The following IGF2R variants were observed in gnomAD, a reference collection of about 807,000 sequenced individuals.
IGF2R encodes insulin like growth factor 2 receptor, also known as cation-independent mannose-6-phosphate receptor.
IGF2R carries 91 observed loss-of-function variants against 270.6 expected under a neutral mutation model. The observed-to-expected ratio is 0.34, with a 90% confidence interval of 0.28 to 0.40. The LOEUF (loss-of-function observed/expected upper bound fraction) is 0.40, where lower values mean the gene tolerates loss of function less well. Ranked by LOEUF, IGF2R falls within the 10% of genes least tolerant of loss-of-function variation. IGF2R has a pLI of 1.00. For missense variants in IGF2R, 2,805 were observed against 3,188.3 expected, an observed-to-expected ratio of 0.88 and a Z score of 2.90; for synonymous variants, 1,316 against 1,258.9, an observed-to-expected ratio of 1.05 and a Z score of -0.96.
intron 2 of IGF2R, 141 bp downstream of exon 2, chr6:159,991,464 A>G (rs1783978686): frequency 1.5e-6 from 1 of 689,590 alleles, no homozygotes. Flanking sequence ...TACATAATAC[A>G]CATTTGTTAG....
intron 44 of IGF2R, among the ~76,000 whole-genome samples, chr6:160,091,827 A>T (rs1399535013): frequency 6.6e-6 from 1 of 152,208 alleles, no homozygotes; most frequent in Non-Finnish European, 1.5e-5. Context: ...GCAGAGAAGG[A>T]AAGTCTAGGC....
rs1784255001 is a variant in IGF2R, at chr6:160,007,137, G to A, written c.290-1873G>A. 2.6e-5 allele frequency: 4 copies of A among 152,198 alleles called. No homozygotes were observed. The South Asian group carries it at 8.3e-4, about 32-fold the overall frequency. 9.4% of individuals were successfully genotyped at this position (152,198 alleles called of 1,614,324 possible). On this transcript the variant is annotated intron_variant, in intron 2 of 47. Coordinates refer to ENST00000356956, the MANE Select transcript of IGF2R (RefSeq NM_000876.4). The stretch of plus-strand genomic sequence containing the variant: ...AATTTATCCACTCTTCTGTTGATGG[G>A]CCTTTGGTCATTTCCAGGTTTTTGC...
intron 37 of IGF2R, among the ~76,000 whole-genome samples, chr6:160,078,829 G>A (rs1778911531): frequency 6.6e-6 from 1 of 152,164 alleles, no homozygotes; most frequent in Admixed American, 6.5e-5. Context: ...GAGGTGCCCT[G>A]GAATTGAGAG....
chr6:159,974,398 T>C (rs1443643778), intron 1 of IGF2R, among the ~76,000 whole-genome samples: 1 of 152,256 alleles, frequency 6.6e-6, no homozygotes, highest in Non-Finnish European at 1.5e-5. Context: ...TTCTCCTTAT[T>C]GAGCTTTAGG....
At chr6:160,090,649 G>C (rs539088422) in intron 44 of IGF2R, among the ~76,000 whole-genome samples, 85 of 152,312 alleles carry the variant, frequency 5.6e-4, no homozygotes, top group Non-Finnish European at 9.0e-4. Context: ...GGCTGCTTTT[G>C]TTTTGAACAG....
chr6:159,972,822 C>G (rs1783630876), intron 1 of IGF2R, among the ~76,000 whole-genome samples: 1 of 152,218 alleles, frequency 6.6e-6, no homozygotes, highest in Non-Finnish European at 1.5e-5. Context: ...CATTGAACAG[C>G]AGGCACGACA....
At position 160,064,549 on chromosome 6, in the gene IGF2R, G is replaced by A. The variant is rs749732047; in HGVS notation, c.4017+18G>A. ...CCCAGCGGGTGAGCATGTACCGACG[G>A]CCCTCAGCGGGGTCTTCTCCCCACC... On this transcript the variant is annotated intron_variant, in intron 28 of 47. Coordinates refer to ENST00000356956, the MANE Select transcript of IGF2R (RefSeq NM_000876.4). 7 of 1,613,148 alleles carry A rather than the reference G, an allele frequency of 4.3e-6. No homozygotes were observed. Among genetic ancestry groups the A allele is most frequent in the Non-Finnish European group, 5.9e-6 (7 of 1,179,388 alleles).
chr6:160,072,713 C>G (rs1778769704), intron 32 of IGF2R, 52 bp from the exon 33 acceptor site: 7 of 1,611,524 alleles, frequency 4.3e-6, no homozygotes, highest in African/African-American at 2.7e-5. Flanking sequence ...ATGAGCCTCC[C>G]AAGTCTCAGC....
chr6:160,058,202 G>A (rs1423974042), intron 21 of IGF2R, 78 bp downstream of exon 21: 1 of 928,060 alleles, frequency 1.1e-6, no homozygotes, highest in African/African-American at 1.6e-5. Flanking sequence ...TGCACGTGGT[G>A]ATATGAGAGA....
chr6:160,090,156 G>A (rs771206228), intron 44 of IGF2R, 53 bp downstream of exon 44: 5 of 1,331,170 alleles, frequency 3.8e-6, no homozygotes, highest in Non-Finnish European at 5.0e-6. Flanking sequence ...CAAGGAAGGG[G>A]ATTAAAATTT....
At position 160,071,902 on chromosome 6, in the gene IGF2R, T is replaced by C. The variant is rs1323570217; in HGVS notation, c.4444-8T>C. ...ATCCCTTCAGGACCTGTCTGTGCTT[T>C]GTTGTAGAACTCCAGGCCCATGTTC... On this transcript the variant is annotated splice_polypyrimidine_tract_variant and splice_region_variant and intron_variant, in intron 31 of 47. Coordinates refer to ENST00000356956, the MANE Select transcript of IGF2R (RefSeq NM_000876.4). 2 of 1,614,138 alleles carry C rather than the reference T, an allele frequency of 1.2e-6. No individual in the cohort carries two copies. Among genetic ancestry groups the C allele is most frequent in the Non-Finnish European group, 1.7e-6 (2 of 1,179,988 alleles).
intron 10 of IGF2R, among the ~76,000 whole-genome samples, chr6:160,037,360 C>A (rs1777850488): frequency 6.6e-6 from 1 of 152,194 alleles, no homozygotes; most frequent in Non-Finnish European, 1.5e-5. Context: ...ACTCTGAGAG[C>A]AAATTGTGTA....
At chr6:160,100,717 A>G (rs147984890) in intron 45 of IGF2R, among the ~76,000 whole-genome samples, 7 of 103,764 alleles carry the variant, frequency 6.7e-5, no homozygotes, top group Non-Finnish European at 9.8e-5. Flanking sequence ...GCAAGTCAGC[A>G]ATTTCCCTTT....
chr6:160,060,438 T>A (rs1251626431), intron 22 of IGF2R, 109 bp from the exon 23 acceptor site: 3 of 1,053,832 alleles, frequency 2.8e-6, no homozygotes, highest in Non-Finnish European at 4.3e-6. Flanking sequence ...CACGAACGGC[T>A]GTGAAGCTTG....
At chr6:160,057,732 T>C (rs8191827) in intron 20 of IGF2R, among the ~76,000 whole-genome samples, 52 of 152,356 alleles carry the variant, frequency 3.4e-4, no homozygotes, top group African/African-American at 1.3e-3. Flanking sequence ...GTCTTATATT[T>C]CCTCTCCAAC....
At chr6:160,055,743 C>T (rs886207464) in intron 19 of IGF2R, among the ~76,000 whole-genome samples, 3 of 152,070 alleles carry the variant, frequency 2.0e-5, no homozygotes, top group Admixed American at 6.5e-5. Flanking sequence ...CACTGTGAGG[C>T]GCAGTTGAGA....
At position 160,050,778 on chromosome 6, in the gene IGF2R, T is replaced by A; in HGVS notation, c.2694+126T>A. The A allele has an allele frequency of 1.3e-6, 1 of 780,746 alleles. No individual in the cohort carries two copies. Among genetic ancestry groups the A allele is most frequent in the Non-Finnish European group, 2.0e-6 (1 of 500,576 alleles). The allele number at this position is 780,746 out of a possible 1,614,324, so 48.4% of individuals were successfully genotyped here. ...GAGCTAGGCCAGTCTTAGTTCTGCT[T>A]AAGGTCAGTGTGCGGTATATATGTT... is the stretch of plus-strand genomic sequence containing the variant. On this transcript the variant is annotated intron_variant, in intron 19 of 47. Transcript: ENST00000356956. The surrounding 1 kb of genome is among the most constrained non-coding windows in gnomAD (Gnocchi z 4.0).
intron 29 of IGF2R, among the ~76,000 whole-genome samples, chr6:160,067,923 T>A (rs530639849): frequency 6.6e-6 from 1 of 152,336 alleles, no homozygotes; most frequent in African/African-American, 2.4e-5. Flanking sequence ...AAGTTCCACT[T>A]CTCAGTGGCC....
chr6:159,981,309 GTGTC>G (rs746143830), intron 1 of IGF2R, among the ~76,000 whole-genome samples: 5 of 151,920 alleles, frequency 3.3e-5, no homozygotes, highest in African/African-American at 4.8e-5. Flanking sequence ...GTGTGTCTGA[GTGTC>G]TGTGAGTGCA....
Sources: gnomAD v4.1 joint callset for allele counts (sites outside exome capture counted in the v4.1 genomes callset) on GRCh38, gnomAD v4.1.1 for gene constraint, Gnocchi (gnomAD v3.1) non-coding constraint, MANE v1.5 for transcripts, NCBI Gene and HGNC (gene_info 2026-07-23, HGNC 2026-07-21) for gene names.